Variants in PTPRT observed in about 807,000 individuals in gnomAD.
PTPRT encodes protein tyrosine phosphatase receptor type T.
PTPRT carries 56 observed loss-of-function variants against 176.8 expected under a neutral mutation model. The ratio of observed to expected loss-of-function variants is 0.32; its 90% CI spans 0.26 to 0.40. The LOEUF (loss-of-function observed/expected upper bound fraction) is 0.40, where lower values mean the gene tolerates loss of function less well. PTPRT is among the 10% of genes least tolerant of loss of function. The pLI, the probability that PTPRT is intolerant of heterozygous loss-of-function variation, is 1.00. For synonymous variants in PTPRT, 783 were observed against 739.0 expected (o/e 1.06, Z -0.96); for missense variants, 1,540 against 1,908.2 (o/e 0.81, Z 3.60).
At chr20:42,986,879 G>A (rs1315686678) in intron 1 of PTPRT, among the ~76,000 whole-genome samples, 1 of 152,194 alleles carries the variant, frequency 6.6e-6, no homozygotes, top group African/African-American at 2.4e-5. Flanking sequence ...AACACCAGAG[G>A]CTGGGGACAG....
At chr20:42,793,967 C>T (rs1413151033) in intron 2 of PTPRT, among the ~76,000 whole-genome samples, 1 of 152,198 alleles carries the variant, frequency 6.6e-6, no homozygotes, top group Non-Finnish European at 1.5e-5. Context: ...CATTTCAGCT[C>T]CTGTCCTCCT....
intron 16 of PTPRT, among the ~76,000 whole-genome samples, chr20:42,163,859 CCTT>C (rs1989713280): frequency 6.6e-6 from 1 of 152,218 alleles, no homozygotes; most frequent in African/African-American, 2.4e-5. Context: ...GGAGGAATCT[CCTT>C]CTTTAAAGAC....
chr20:42,175,863 T>A (rs1990270124), intron 16 of PTPRT, among the ~76,000 whole-genome samples: 2 of 152,094 alleles, frequency 1.3e-5, no homozygotes, highest in Non-Finnish European at 2.9e-5. Context: ...AATAGTAGAA[T>A]CTAGGGGATG....
intron 2 of PTPRT, 60 bp from the exon 3 acceptor site, chr20:42,791,526 G>A (rs11086852): frequency 0.12 from 183,281 of 1,500,864 alleles, 12,691 homozygotes; most frequent in South Asian, 0.25. Context: ...AAATCCTTCT[G>A]AAAATCAGTC....
chr20:42,582,987 C>T (rs950413901), intron 7 of PTPRT, among the ~76,000 whole-genome samples: 1 of 152,196 alleles, frequency 6.6e-6, no homozygotes, highest in East Asian at 1.9e-4. Flanking sequence ...AAACTCTTTA[C>T]AGACAAAAAA....
intron 6 of PTPRT, among the ~76,000 whole-genome samples, chr20:42,706,583 T>C (rs750954758): frequency 6.6e-6 from 1 of 152,154 alleles, no homozygotes; most frequent in Non-Finnish European, 1.5e-5. Context: ...ACCTGGCACA[T>C]AGCAGTCATT....
At chr20:42,043,239 C>T in the PTPRT span, among the ~76,000 whole-genome samples, 2 of 152,304 alleles carry the variant, frequency 1.3e-5, no homozygotes, top group Admixed American at 6.5e-5. Flanking sequence ...TATTTTTAAA[C>T]AAAGCCCTTA....
chr20:42,160,722 T>C (rs186738921), intron 17 of PTPRT, among the ~76,000 whole-genome samples: 203 of 152,298 alleles, frequency 1.3e-3, no homozygotes, highest in African/African-American at 4.6e-3. Flanking sequence ...TCCCCAAACC[T>C]CGGTAACAAC....
At chr20:42,887,104 A>T (rs1453386027) in intron 1 of PTPRT, among the ~76,000 whole-genome samples, 2 of 152,204 alleles carry the variant, frequency 1.3e-5, no homozygotes, top group Non-Finnish European at 2.9e-5. Flanking sequence ...TTAAACGCTC[A>T]CAGGTTTCCC....
At chr20:42,587,089 T>C (rs1163932341) in intron 7 of PTPRT, among the ~76,000 whole-genome samples, 1 of 152,128 alleles carries the variant, frequency 6.6e-6, no homozygotes, top group African/African-American at 2.4e-5. Flanking sequence ...TCAGCACCAA[T>C]GCAAGATCCA....
At position 42,216,111 on chromosome 20, in the gene PTPRT, G is replaced by A. The variant is rs11906744; in HGVS notation, c.2343-16723C>T. On this transcript the variant is annotated intron_variant, in intron 15 of 30. Transcript: ENST00000373187. Reference sequence around the variant, plus strand: ...TACAGCTGAGTGAACCTCCTTCTCCGTTCCACACTCACATGCCCACATCTC... The same window carrying A: ...TACAGCTGAGTGAACCTCCTTCTCCATTCCACACTCACATGCCCACATCTC... 2.8e-3 allele frequency among the ~76,000 whole-genome samples: 429 copies of A among 152,178 alleles called. 5 individuals are homozygous for A. Among genetic ancestry groups the A allele is most frequent in the Middle Eastern group, 0.014 (4 of 294 alleles).
rs62203968 is a variant in PTPRT, at chr20:42,837,212, G to A, written c.215-45746C>T. ...TTTCCTCATGCCAGCAGCCACTGGAGCCCACAGAGGCCCATCCGGAGGACC... is the reference window on the plus strand; with the variant it reads ...TTTCCTCATGCCAGCAGCCACTGGAACCCACAGAGGCCCATCCGGAGGACC... On this transcript the variant is annotated intron_variant, in intron 2 of 30. Transcript: ENST00000373187. 1.9e-3 allele frequency among the ~76,000 whole-genome samples: 291 copies of A among 152,302 alleles called. No individual in the cohort carries two copies. The Middle Eastern group carries it at 0.02, about 11-fold the overall frequency.
rs1202412911 is a variant in PTPRT, at chr20:42,945,061, T to A, written c.89-59129A>T. Among the ~76,000 whole-genome samples the A allele has an allele frequency of 3.4e-5, 5 of 148,730 alleles. No homozygotes were observed. The East Asian group carries it at 9.7e-4, about 29-fold the overall frequency. On this transcript the variant is annotated intron_variant, in intron 1 of 30. Transcript: ENST00000373187. ...GTGTGTGTGTGTTATATAGTATTTA[T>A]ATATACTATATATTATAAAATATGT...
intron 1 of PTPRT, among the ~76,000 whole-genome samples, chr20:42,913,208 C>A (rs1209520736): frequency 6.6e-6 from 1 of 152,124 alleles, no homozygotes; most frequent in Non-Finnish European, 1.5e-5. Context: ...TAACAAAGTG[C>A]CACAGACTGG....
chr20:42,881,748 A>AAAAAAAAG (rs2079015135), intron 2 of PTPRT, among the ~76,000 whole-genome samples: 5 of 148,326 alleles, frequency 3.4e-5, no homozygotes, highest in African/African-American at 1.3e-4. Context: ...AAAAAAAAAA[A>AAAAAAAAG]AGAGAGAGAG....
rs542908712 is a variant in PTPRT at position 42,705,281 on chromosome 20, G to C, written c.860-27122C>G. ...GAGCAGGCTTAGAGTGAGCAACAAG[G>C]CTGTTTATTCACTTGGGTGCAAGTG... On this transcript the variant is annotated intron_variant, in intron 6 of 30. Coordinates refer to ENST00000373187, the MANE Select transcript of PTPRT (RefSeq NM_007050.6). 3.3e-5 allele frequency among the ~76,000 whole-genome samples: 5 copies of C among 152,252 alleles called. No homozygotes were observed. In the East Asian group the frequency reaches 9.7e-4, roughly 29 times the overall value.
At chr20:42,742,779 C>T (rs181361911) in intron 6 of PTPRT, among the ~76,000 whole-genome samples, 2 of 152,322 alleles carry the variant, frequency 1.3e-5, no homozygotes, top group Admixed American at 1.3e-4. Flanking sequence ...TTTCACTGAT[C>T]CTCAGAAAAC....
At chr20:42,829,850 G>A (rs1408372196) in intron 2 of PTPRT, among the ~76,000 whole-genome samples, 2 of 152,130 alleles carry the variant, frequency 1.3e-5, no homozygotes, top group African/African-American at 4.8e-5. Flanking sequence ...AAACCTAGAA[G>A]AGCTGAACAC....
chr20:42,909,253 G>C (rs2079516348), intron 1 of PTPRT, among the ~76,000 whole-genome samples: 1 of 152,046 alleles, frequency 6.6e-6, no homozygotes, highest in Non-Finnish European at 1.5e-5. Flanking sequence ...TATTGATCTA[G>C]CTATCTATAT....
Sources: gnomAD v4.1 joint callset for allele counts (sites outside exome capture counted in the v4.1 genomes callset) on GRCh38, gnomAD v4.1.1 for gene constraint, MANE v1.5 for transcripts, NCBI Gene and HGNC (gene_info 2026-07-23, HGNC 2026-07-21) for gene names.